Variants in GRHL2 observed in about 807,000 individuals in gnomAD.
GRHL2 encodes grainyhead-like protein 2 homolog.
A neutral mutation model predicts 83.8 loss-of-function variants in GRHL2; 21 were observed. The observed-to-expected ratio is 0.25, with a 90% CI of 0.18 to 0.36. GRHL2 has a LOEUF of 0.36. Ranked by LOEUF, GRHL2 falls within the 10% of genes least tolerant of loss-of-function variation. The pLI, the probability that GRHL2 is intolerant of heterozygous loss-of-function variation, is 1.00. For missense variants in GRHL2, 623 were observed against 781.8 expected (o/e 0.80, Z 2.42); for synonymous variants, 280 against 278.9 (o/e 1.00, Z -0.04).
At chr8:101,626,884 GA>G (rs1424427772) in intron 9 of GRHL2, among the ~76,000 whole-genome samples, 1 of 152,032 alleles carries the variant, frequency 6.6e-6, no homozygotes, top group African/African-American at 2.4e-5. Context: ...TACTTTAATG[GA>G]ATGTATCGAA....
chr8:101,581,585 T>G (rs146593961), intron 7 of GRHL2, among the ~76,000 whole-genome samples: 225 of 152,334 alleles, frequency 1.5e-3, no homozygotes, highest in African/African-American at 5.3e-3. Flanking sequence ...AAAGAAGACT[T>G]GGAGTTAGTG....
At chr8:101,493,881 C>T (rs1563548602) in intron 1 of GRHL2, among the ~76,000 whole-genome samples, 1 of 151,828 alleles carries the variant, frequency 6.6e-6, no homozygotes, top group East Asian at 2.0e-4. Flanking sequence ...CCCTGGCCGG[C>T]CCCCGCCCTC....
At chr8:101,555,653 T>G (rs1811475831) in intron 3 of GRHL2, among the ~76,000 whole-genome samples, 1 of 152,226 alleles carries the variant, frequency 6.6e-6, no homozygotes, top group African/African-American at 2.4e-5. Flanking sequence ...ACAGGTTCAC[T>G]CTATTGATTT....
At chr8:101,587,274 A>G (rs941575508) in intron 7 of GRHL2, among the ~76,000 whole-genome samples, 3 of 152,220 alleles carry the variant, frequency 2.0e-5, no homozygotes, top group African/African-American at 7.2e-5. Flanking sequence ...TGAGCAGTTA[A>G]CCAGAAGGAA....
In GRHL2 at chr8:101,548,154, T is replaced by TATCCATCC. The variant is rs1346309835; in HGVS notation, c.217-4551_217-4544dup. ...TTGTCCATCTATCCATCTATCCATC[T>TATCCATCC]ATCCATCCATCCATCCACCCACCCA... On this transcript the variant is annotated intron_variant, in intron 2 of 15. Coordinates refer to ENST00000646743, the MANE Select transcript of GRHL2 (RefSeq NM_024915.4). Among the ~76,000 whole-genome samples, 116 of 152,208 alleles carry TATCCATCC rather than the reference T, an allele frequency of 7.6e-4. 1 individual carries two copies. Among genetic ancestry groups the TATCCATCC allele is most frequent in the African/African-American group, 2.4e-3 (101 of 41,544 alleles).
chr8:101,599,193 C>G (rs75368465), intron 8 of GRHL2, 42 bp downstream of exon 8: 1 of 1,235,594 alleles, frequency 8.1e-7, no homozygotes, highest in South Asian at 1.2e-5. Flanking sequence ...TTAATATGTG[C>G]CCATCCTCAG....
chr8:101,573,679 A>G lies in GRHL2; in HGVS notation c.746A>G (p.Gln249Arg). 6.2e-7 allele frequency: 1 copy of G among 1,614,224 alleles called. No homozygotes were observed. The highest frequency in any genetic ancestry group is 8.5e-7 in the Non-Finnish European group (1 of 1,180,028). The change falls in exon 6 of 16, where the codon CAG (glutamine) becomes CGG (arginine). Residue 249 changes from glutamine (Q) to arginine (R), a missense_variant. Physicochemically the swap from Gln to Arg is conservative, Grantham distance 43 (BLOSUM62 1). Transcript: ENST00000646743. ...MYDQTSSGTF[Q>R]YTLEATKSLR... is the part of the protein sequence containing the mutation. ...GTTTTCTTTCACAGTGGCACATTTCAGTACACCCTGGAAGCCACCAAATCT... is the reference window on the plus strand; with the variant it reads ...GTTTTCTTTCACAGTGGCACATTTCGGTACACCCTGGAAGCCACCAAATCT...
chr8:101,603,944 T>C (rs1812570778), intron 8 of GRHL2, among the ~76,000 whole-genome samples: 1 of 146,482 alleles, frequency 6.8e-6, no homozygotes, highest in South Asian at 2.1e-4. Context: ...AGATTCTAGC[T>C]AGATTCTAGG....
chr8:101,578,226 C>T (rs1811972712), intron 7 of GRHL2, among the ~76,000 whole-genome samples: 1 of 152,168 alleles, frequency 6.6e-6, no homozygotes, highest in Admixed American at 6.5e-5. Flanking sequence ...ACCTGCAGGG[C>T]TGGAGAATCA....
chr8:101,508,001 G>T (rs1810376351), intron 1 of GRHL2, among the ~76,000 whole-genome samples: 1 of 151,890 alleles, frequency 6.6e-6, no homozygotes, highest in Non-Finnish European at 1.5e-5. Flanking sequence ...GGCCAGGCTG[G>T]TCTCGAACTC....
At position 101,667,763 on chromosome 8, in the gene GRHL2, C is replaced by T. The variant is rs1162432511; in HGVS notation, c.*1060C>T. 4 of 152,886 alleles carry T rather than the reference C, an allele frequency of 2.6e-5. No individual in the cohort carries two copies. The highest frequency in any genetic ancestry group is 2.9e-5 in the Non-Finnish European group (2 of 68,216). 9.5% of individuals were successfully genotyped at this position (152,886 alleles called of 1,614,324 possible). On this transcript the variant is annotated 3_prime_UTR_variant, in exon 16 of 16. Transcript: ENST00000646743. ...ATGGCCTGAGCTTTCTGGAGAGCCTCTGCAGGGGGTTTGCCATCAGGGCCC... is the reference window on the plus strand; with the variant it reads ...ATGGCCTGAGCTTTCTGGAGAGCCTTTGCAGGGGGTTTGCCATCAGGGCCC...
intron 1 of GRHL2, chr8:101,528,640 C>G (rs181162262): frequency 5.3e-5 from 10 of 188,182 alleles, no homozygotes; most frequent in Non-Finnish European, 7.9e-5. Context: ...CACTGGAGAA[C>G]AGAAAGCAGC....
Position 101,513,267 on chromosome 8 carries a change from G to A in GRHL2, c.20+20478G>A, listed in dbSNP as rs554239813. ...GATCCCACTACTTACTGGGGTTGTG[G>A]CCTTGGGTAAATTACTTAATTTCTC... On this transcript the variant is annotated intron_variant, in intron 1 of 15. Coordinates refer to ENST00000646743, the MANE Select transcript of GRHL2 (RefSeq NM_024915.4). 1.2e-4 allele frequency among the ~76,000 whole-genome samples: 19 copies of A among 152,110 alleles called. No homozygotes were observed. The South Asian group carries it at 4.0e-3, about 32-fold the overall frequency.
chr8:101,596,755 A>G (rs1812399858), intron 7 of GRHL2, among the ~76,000 whole-genome samples: 1 of 152,210 alleles, frequency 6.6e-6, no homozygotes, highest in African/African-American at 2.4e-5. Flanking sequence ...AGATCTGTTT[A>G]TAGTTGGTTA....
Position 101,513,060 on chromosome 8 carries a change from AT to A in GRHL2, c.20+20278del, listed in dbSNP as rs373857236. On this transcript the variant is annotated intron_variant, in intron 1 of 15. Coordinates refer to ENST00000646743, the MANE Select transcript of GRHL2 (RefSeq NM_024915.4). ...TATTGCAGCTGTTAATAATTTTTAT[AT>A]TTTTTTCCCCTTGTTTTCTTAATAT... is the stretch of plus-strand genomic sequence containing the variant. 3.0e-3 allele frequency among the ~76,000 whole-genome samples: 460 copies of A among 151,946 alleles called. 1 individual carries two copies. The highest frequency in any genetic ancestry group is 0.01 in the African/African-American group (427 of 41,418).
At position 101,667,231 on chromosome 8, in the gene GRHL2, T is replaced by C. The variant is rs917231969; in HGVS notation, c.*528T>C. 2 of 191,498 alleles carry C rather than the reference T, an allele frequency of 1.0e-5. No homozygotes were observed. Among genetic ancestry groups the C allele is most frequent in the African/African-American group, 2.3e-5 (1 of 43,326 alleles). 11.9% of individuals were successfully genotyped at this position (191,498 alleles called of 1,614,324 possible). ...TTAGGTTGCTCTGGGGAAGGCTGTC[T>C]TGCTAAATACCTCCAGGGTTCCCAG... On this transcript the variant is annotated 3_prime_UTR_variant, in exon 16 of 16. Transcript: ENST00000646743.
chr8:101,639,034 C>G (rs1212503863), intron 12 of GRHL2, among the ~76,000 whole-genome samples: 1 of 152,182 alleles, frequency 6.6e-6, no homozygotes, highest in Non-Finnish European at 1.5e-5. Flanking sequence ...CATGGGAAAA[C>G]TTAGTATTAT....
chr8:101,649,577 G>T, intron 14 of GRHL2, 78 bp downstream of exon 14: 1 of 1,065,686 alleles, frequency 9.4e-7, no homozygotes. Context: ...CTAACGTGCA[G>T]CCACCGAGAT....
At chr8:101,680,828 TG>T in the GRHL2 span, among the ~76,000 whole-genome samples, 1 of 125,096 alleles carries the variant, frequency 8.0e-6, no homozygotes, top group Non-Finnish European at 1.6e-5. Context: ...GAATGACTAC[TG>T]GGTACATAAC....
Sources: allele counts gnomAD v4.1 joint callset (sites outside exome capture counted in the v4.1 genomes callset), GRCh38; gene constraint gnomAD v4.1.1; transcripts MANE v1.5; gene names NCBI Gene and HGNC (gene_info 2026-07-23, HGNC 2026-07-21).